The following PHLDB2 variants were observed in gnomAD, a reference collection of about 807,000 sequenced individuals.
The protein encoded by PHLDB2 is pleckstrin homology-like domain family B member 2.
Under a neutral mutation model 123.6 loss-of-function variants are expected in PHLDB2, and 71 were observed. The ratio of observed to expected loss-of-function variants is 0.57; its 90% CI spans 0.47 to 0.70. PHLDB2 has a LOEUF of 0.70. Ranked by LOEUF, PHLDB2 falls within the 30% of genes least tolerant of loss-of-function variation. The probability of loss-of-function intolerance (pLI) is 0.00; values close to 1 mark genes in which losing one functional copy is unlikely to be tolerated. For missense variants in PHLDB2, 1,446 were observed against 1,519.5 expected (o/e 0.95, Z 0.80); for synonymous variants, 547 against 541.6 (o/e 1.01, Z -0.14).
chr3:111,965,493 A>G (rs1046455921), intron 13 of PHLDB2, among the ~76,000 whole-genome samples: 3 of 152,224 alleles, frequency 2.0e-5, no homozygotes, highest in Admixed American at 1.3e-4. Flanking sequence ...CTATATTAAT[A>G]AGTATCTATA....
chr3:111,866,930 GGT>G (rs3082321), intron 1 of PHLDB2, among the ~76,000 whole-genome samples: 5,334 of 125,946 alleles, frequency 0.042, 250 homozygotes, highest in African/African-American at 0.12. Context: ...GTTTCTAAGG[GGT>G]GTGTGTGTGT....
upstream of PHLDB2, among the ~76,000 whole-genome samples, chr3:111,857,614 G>A (rs2064578893): frequency 6.6e-6 from 1 of 152,164 alleles, no homozygotes; most frequent in Admixed American, 6.5e-5. Flanking sequence ...GGATTGATCA[G>A]TGTATGTATG....
intron 1 of PHLDB2, among the ~76,000 whole-genome samples, chr3:111,820,308 T>A (rs1271561200): frequency 1.3e-5 from 2 of 152,206 alleles, no homozygotes; most frequent in Non-Finnish European, 2.9e-5. Flanking sequence ...TTAAAATGGT[T>A]AAAGAAATGT....
At chr3:111,938,523 G>A (rs540521837) in intron 6 of PHLDB2, among the ~76,000 whole-genome samples, 5 of 152,006 alleles carry the variant, frequency 3.3e-5, no homozygotes, top group South Asian at 4.1e-4. Flanking sequence ...ATTTAAAATC[G>A]TGTATACATA....
At position 111,831,030 on chromosome 3, in the gene PHLDB2, A is replaced by AAAGG. The variant is rs146504275; in HGVS notation, c.-48-14779_-48-14776dup. ...GAAAGAAAGAAAGAAAGAAAGAAAG[A>AAAGG]AAGGAAGGAAGGAAGAAAGAGAAAA... On this transcript the variant is annotated intron_variant, in intron 1 of 17. Transcript: ENST00000393923. Among the ~76,000 whole-genome samples, 406 of 71,894 alleles carry AAAGG rather than the reference A, an allele frequency of 5.6e-3. 25 individuals are homozygous for AAAGG. The highest frequency in any genetic ancestry group is 8.8e-3 in the Non-Finnish European group (302 of 34,142). 47.2% of individuals were successfully genotyped at this position (71,894 alleles called of 152,430 possible).
intron 1 of PHLDB2, among the ~76,000 whole-genome samples, chr3:111,839,213 A>T (rs576457068): frequency 1.3e-5 from 2 of 151,862 alleles, no homozygotes; most frequent in East Asian, 3.9e-4. Context: ...ACAAACAAAA[A>T]CATTAGAGTC....
intron 2 of PHLDB2, among the ~76,000 whole-genome samples, chr3:111,853,210 C>A (rs1372814503): frequency 6.6e-6 from 1 of 152,096 alleles, no homozygotes; most frequent in African/African-American, 2.4e-5. Flanking sequence ...GTCTTTATTA[C>A]CGTTACACAA....
At chr3:111,733,282 A>G (rs953396119) in intron 1 of PHLDB2, among the ~76,000 whole-genome samples, 3 of 152,192 alleles carry the variant, frequency 2.0e-5, no homozygotes, top group Non-Finnish European at 4.4e-5. Flanking sequence ...AGCTTATCAC[A>G]TCGGCAGCCA....
At chr3:111,956,383 G>A (rs1413396172) in intron 12 of PHLDB2, among the ~76,000 whole-genome samples, 2 of 152,158 alleles carry the variant, frequency 1.3e-5, no homozygotes, top group Non-Finnish European at 2.9e-5. Flanking sequence ...CTGAAGTAAT[G>A]GGAATCCCAT....
At chr3:111,949,098 T>G (rs780392469) in intron 10 of PHLDB2, 23 bp downstream of exon 10, 1 of 1,611,458 alleles carries the variant, frequency 6.2e-7, no homozygotes, top group Non-Finnish European at 8.5e-7. Context: ...GACGTTTCAT[T>G]CATTCACTGC....
chr3:111,797,937 G>A (rs1458386503), intron 1 of PHLDB2, among the ~76,000 whole-genome samples: 2 of 152,126 alleles, frequency 1.3e-5, no homozygotes, highest in Non-Finnish European at 2.9e-5. Context: ...TTTGAGGCCA[G>A]CCTTGGCGAT....
chr3:111,844,157 C>T (rs1394125780), intron 1 of PHLDB2, among the ~76,000 whole-genome samples: 2 of 152,168 alleles, frequency 1.3e-5, no homozygotes, highest in African/African-American at 4.8e-5. Context: ...ATTCCTCTGT[C>T]ACTTAATCTC....
At chr3:111,781,545 A>G (rs1269110400) in intron 1 of PHLDB2, among the ~76,000 whole-genome samples, 2 of 152,244 alleles carry the variant, frequency 1.3e-5, no homozygotes, top group East Asian at 3.9e-4. Flanking sequence ...TCATCACAAT[A>G]GCCTTATTCC....
chr3:111,819,846 A>G (rs1272212663), intron 1 of PHLDB2, among the ~76,000 whole-genome samples: 1 of 152,222 alleles, frequency 6.6e-6, no homozygotes, highest in Non-Finnish European at 1.5e-5. Flanking sequence ...TGAGAGTTTA[A>G]TTGTCAAGAT....
chr3:111,837,979 T>C (rs2063493974), intron 1 of PHLDB2, among the ~76,000 whole-genome samples: 1 of 151,758 alleles, frequency 6.6e-6, no homozygotes, highest in Non-Finnish European at 1.5e-5. Flanking sequence ...GAGGTGGAGG[T>C]TGCAGTAAGC....
At chr3:111,849,276 T>A (rs1277550784) in intron 2 of PHLDB2, among the ~76,000 whole-genome samples, 1 of 152,132 alleles carries the variant, frequency 6.6e-6, no homozygotes, top group African/African-American at 2.4e-5. Context: ...GCTCAAGTGA[T>A]CCTCCTGCCT....
At chr3:111,865,400 C>T (rs1219444120) in intron 1 of PHLDB2, among the ~76,000 whole-genome samples, 1 of 152,148 alleles carries the variant, frequency 6.6e-6, no homozygotes, top group Non-Finnish European at 1.5e-5. Context: ...AAATCTTTTC[C>T]CAATTAGGTA....
intron 16 of PHLDB2, among the ~76,000 whole-genome samples, chr3:111,971,586 T>C (rs1458198957): frequency 2.0e-5 from 3 of 152,212 alleles, no homozygotes; most frequent in Non-Finnish European, 2.9e-5. Flanking sequence ...GGACAAACGC[T>C]GCTCGTTCGG....
intron 1 of PHLDB2, among the ~76,000 whole-genome samples, chr3:111,739,560 C>T (rs1197861439): frequency 2.1e-5 from 3 of 142,042 alleles, no homozygotes; most frequent in African/African-American, 7.9e-5. Context: ...CAGATCCACA[C>T]CTCTTCTGAA....
Sources: gnomAD v4.1 joint callset for allele counts (sites outside exome capture counted in the v4.1 genomes callset) on GRCh38, gnomAD v4.1.1 for gene constraint, MANE v1.5 for transcripts, NCBI Gene and HGNC (gene_info 2026-07-23, HGNC 2026-07-21) for gene names.